Variants in GABRA3 observed in about 807,000 individuals in gnomAD.
GABRA3 encodes gamma-aminobutyric acid type A receptor subunit alpha3.
Under a neutral mutation model 30.1 loss-of-function variants are expected in GABRA3, and 10 were observed. That is an observed-to-expected ratio of 0.33 (90% CI 0.20 to 0.56). The LOEUF is 0.56. GABRA3 is among the 20% of genes least tolerant of loss of function. The pLI is 0.89. For synonymous variants in GABRA3, 151 were observed against 146.8 expected (o/e 1.03, Z -0.21); for missense variants, 233 against 392.0 (o/e 0.59, Z 3.42).
chrX:152,393,585 G>A, intron 1 of GABRA3: 1 of 283,716 alleles, frequency 3.5e-6, no homozygotes, highest in African/African-American at 2.8e-5. Context: ...CAGATGGACA[G>A]GACATATGAA....
intron 7 of GABRA3, among the ~76,000 whole-genome samples, chrX:152,203,409 C>T (rs1312097109): frequency 3.6e-5 from 4 of 111,943 alleles, no homozygotes; most frequent in Non-Finnish European, 3.8e-5. Context: ...ATACAAATGT[C>T]CCTTGCTGGT....
intron 4 of GABRA3, among the ~76,000 whole-genome samples, chrX:152,265,400 T>C (rs1183122632): frequency 2.7e-5 from 3 of 111,282 alleles, no homozygotes; most frequent in African/African-American, 9.8e-5. Context: ...GAATGACCAA[T>C]GGGTCATTGA....
intron 4 of GABRA3, among the ~76,000 whole-genome samples, chrX:152,276,453 G>A (rs1603231483): frequency 9.0e-6 from 1 of 111,477 alleles, no homozygotes; most frequent in East Asian, 2.8e-4. Flanking sequence ...AGAGTATTTG[G>A]CCCTAAACTG....
At chrX:152,414,700 T>C (rs976985725) in intron 1 of GABRA3, among the ~76,000 whole-genome samples, 1 of 110,503 alleles carries the variant, frequency 9.0e-6, no homozygotes, top group Non-Finnish European at 1.9e-5. Flanking sequence ...TCCAAATGAT[T>C]TGAAAGTTTA....
chrX:152,420,276 A>G lies in GABRA3; in HGVS notation c.-27+30870T>C, dbSNP rs141593058. The stretch of plus-strand genomic sequence containing the variant: ...TTGTACTAGAGGTCTTAGGCAATAC[A>G]ATAAGGCAGGAAAAATATGAAATTT... On this transcript the variant is annotated intron_variant, in intron 1 of 9. Coordinates refer to ENST00000370314, the MANE Select transcript of GABRA3 (RefSeq NM_000808.4). Among the ~76,000 whole-genome samples the G allele has an allele frequency of 2.1e-3, 230 of 111,478 alleles. 5 individuals carry two copies. In the East Asian group the frequency reaches 0.053, roughly 26 times the overall value.
chrX:152,294,477 C>T (rs112636095), intron 3 of GABRA3, among the ~76,000 whole-genome samples: 43 of 111,223 alleles, frequency 3.9e-4, no homozygotes, highest in African/African-American at 1.3e-3. Flanking sequence ...TCAGCTCCAT[C>T]GGGTCACTGA....
intron 9 of GABRA3, among the ~76,000 whole-genome samples, chrX:152,182,461 T>G (rs1469355943): frequency 4.5e-5 from 4 of 89,430 alleles, no homozygotes; most frequent in Admixed American, 1.3e-4. Context: ...ATATAGTGTA[T>G]ATATGTACAC....
chrX:152,272,506 G>C (rs915886893), intron 4 of GABRA3, among the ~76,000 whole-genome samples: 6 of 112,273 alleles, frequency 5.3e-5, no homozygotes, highest in Non-Finnish European at 1.1e-4. Context: ...CAGGCTCGTA[G>C]GTGGAAAGGA....
In GABRA3 at chrX:152,370,112, C is replaced by T. The variant is rs149132098; in HGVS notation, c.-26-5516G>A. Among the ~76,000 whole-genome samples the T allele has an allele frequency of 6.4e-3, 713 of 112,067 alleles. 1 individual carries two copies. The highest frequency in any genetic ancestry group is 0.017 in the South Asian group (47 of 2,691). ...CAAACGTAAAATGCCTAGTTAAACA[C>T]CTGCTACTGGGATAAGTCTTCTGAT... is the stretch of plus-strand genomic sequence containing the variant. On this transcript the variant is annotated intron_variant, in intron 1 of 9. Coordinates refer to ENST00000370314, the MANE Select transcript of GABRA3 (RefSeq NM_000808.4).
intron 1 of GABRA3, among the ~76,000 whole-genome samples, chrX:152,399,073 T>A (rs1358048199): frequency 9.0e-6 from 1 of 111,195 alleles, no homozygotes; most frequent in African/African-American, 3.3e-5. Context: ...TCCTACTCTA[T>A]CTAGTAAAGA....
At chrX:152,421,450 T>G (rs974387739) in intron 1 of GABRA3, among the ~76,000 whole-genome samples, 1 of 111,162 alleles carries the variant, frequency 9.0e-6, no homozygotes, top group African/African-American at 3.3e-5. Flanking sequence ...GAGGATAACA[T>G]AGGATAATAT....
At chrX:152,297,474 G>A (rs750842) in intron 3 of GABRA3, among the ~76,000 whole-genome samples, 4,116 of 111,040 alleles carry the variant, frequency 0.037, 160 homozygotes, top group African/African-American at 0.13. Context: ...CCTTTCACTC[G>A]TTCTAGATTT....
intron 4 of GABRA3, among the ~76,000 whole-genome samples, chrX:152,277,099 A>C (rs1002962696): frequency 8.9e-6 from 1 of 111,864 alleles, no homozygotes; most frequent in Non-Finnish European, 1.9e-5. Flanking sequence ...ACAGCCTAAA[A>C]TAGAAAAAGG....
At chrX:152,196,106 C>T (rs190831334) in intron 8 of GABRA3, among the ~76,000 whole-genome samples, 103 of 108,473 alleles carry the variant, frequency 9.5e-4, no homozygotes, top group African/African-American at 3.3e-3. Context: ...TGGTTTCGGC[C>T]GGGTGCTGTG....
At chrX:152,307,407 T>C (rs918371726) in intron 3 of GABRA3, among the ~76,000 whole-genome samples, 1 of 111,493 alleles carries the variant, frequency 9.0e-6, no homozygotes, top group African/African-American at 3.3e-5. Context: ...AAATGACTCA[T>C]CTCCTATGGA....
chrX:152,321,632 G>A (rs907092917), intron 3 of GABRA3, among the ~76,000 whole-genome samples: 3 of 111,372 alleles, frequency 2.7e-5, no homozygotes, highest in Non-Finnish European at 5.7e-5. Flanking sequence ...GATCTCTTGG[G>A]CAGAAAGTGA....
intron 1 of GABRA3, among the ~76,000 whole-genome samples, chrX:152,424,016 T>C (rs1304260865): frequency 1.8e-5 from 2 of 111,477 alleles, no homozygotes; most frequent in Non-Finnish European, 3.8e-5. Context: ...TATTTTAGGG[T>C]TGTGGGAAAA....
At chrX:152,434,575 A>G (rs2092013) in intron 1 of GABRA3, among the ~76,000 whole-genome samples, 1 of 111,738 alleles carries the variant, frequency 8.9e-6, no homozygotes, top group South Asian at 3.7e-4. Flanking sequence ...TCCAAAACCA[A>G]ATAAATGCAT....
At chrX:152,297,504 C>A (rs1256867884) in intron 3 of GABRA3, among the ~76,000 whole-genome samples, 1 of 111,659 alleles carries the variant, frequency 9.0e-6, no homozygotes, top group African/African-American at 3.2e-5. Context: ...CCAAACTCTC[C>A]TTTTGCTTTT....
Sources: allele counts gnomAD v4.1 joint callset (sites outside exome capture counted in the v4.1 genomes callset), GRCh38; gene constraint gnomAD v4.1.1; transcripts MANE v1.5; gene names NCBI Gene and HGNC (gene_info 2026-07-23, HGNC 2026-07-21).